TIMMDC1: variants seen among roughly 807,000 people sequenced by gnomAD.
TIMMDC1 encodes the protein complex I assembly factor TIMMDC1, mitochondrial.
TIMMDC1 carries 25 observed loss-of-function variants against 32.6 expected under a neutral mutation model. That is an observed-to-expected ratio of 0.77 (90% CI 0.56 to 1.07). The LOEUF is 1.07. Ranked by LOEUF, TIMMDC1 falls within the 50% of genes least tolerant of loss-of-function variation. The pLI is 0.00. For missense variants in TIMMDC1, 329 were observed against 349.2 expected (o/e 0.94, Z 0.46); for synonymous variants, 130 against 127.6 (o/e 1.02, Z -0.13).
In TIMMDC1 at chr3:119,523,808, C is replaced by G. The variant is rs145900930; in HGVS notation, c.*52C>G. ...GAGAGCTGAAGGGAGCTGCCATGTC[C>G]GATGAATGCCAACAGACAGGCCACT... On this transcript the variant is annotated 3_prime_UTR_variant, in exon 7 of 7. Transcript: ENST00000494664. 3 of 1,472,596 alleles carry G rather than the reference C, an allele frequency of 2.0e-6. No individual in the cohort carries two copies. The highest frequency in any genetic ancestry group is 2.7e-6 in the Non-Finnish European group (3 of 1,107,562). The allele number at this position is 1,472,596 out of a possible 1,614,324, so 91.2% of individuals were successfully genotyped here.
intron 3 of TIMMDC1, 61 bp downstream of exon 3, chr3:119,503,681 T>C: frequency 1.5e-6 from 2 of 1,372,082 alleles, no homozygotes; most frequent in Non-Finnish European, 2.0e-6. Flanking sequence ...GGAGTGTGTC[T>C]TTTGAGCAGG....
rs747050990 is a variant in TIMMDC1, at chr3:119,523,678, G to C, written c.780G>C (p.Glu260Asp). 1.2e-6 allele frequency: 2 copies of C among 1,613,696 alleles called. No homozygotes were observed. Among genetic ancestry groups the C allele is most frequent in the Non-Finnish European group, 1.7e-6 (2 of 1,179,808 alleles). Reference protein sequence around the residue: ...IESSLQEDEPENDAKKIEALL... With the variant: ...IESSLQEDEPDNDAKKIEALL... ...GTAGTTTACAGGAAGATGAACCTGA[G>C]AATGATGCTAAGAAAATTGAAGCAC... Residue 260 changes from glutamate to aspartate, a missense_variant, in exon 7 of 7, where the codon GAG (glutamate) becomes GAC (aspartate). Glu to Asp is a conservative substitution (Grantham distance 45). Coordinates refer to ENST00000494664, the MANE Select transcript of TIMMDC1 (RefSeq NM_016589.4).
chr3:119,518,829 C>G (rs1330060550), intron 6 of TIMMDC1, among the ~76,000 whole-genome samples: 1 of 152,070 alleles, frequency 6.6e-6, no homozygotes, highest in Non-Finnish European at 1.5e-5. Flanking sequence ...CAGCAGAAAC[C>G]TTACAAGTCA....
At position 119,524,084 on chromosome 3, in the gene TIMMDC1, G is replaced by A. The variant is rs938941046; in HGVS notation, c.*328G>A. The A allele has an allele frequency of 5.3e-5, 9 of 171,418 alleles. No homozygotes were observed. The highest frequency in any genetic ancestry group is 2.1e-4 in the African/African-American group (9 of 42,002). The allele number at this position is 171,418 out of a possible 1,614,324, so 10.6% of individuals were successfully genotyped here. On this transcript the variant is annotated 3_prime_UTR_variant, in exon 7 of 7. Coordinates refer to ENST00000494664, the MANE Select transcript of TIMMDC1 (RefSeq NM_016589.4). Reference sequence around the variant, plus strand: ...AGATTAAAGTTGAATTTTACAGTTCGTATATTCATGTGGTCCTTTGAAAGG... The same window carrying A: ...AGATTAAAGTTGAATTTTACAGTTCATATATTCATGTGGTCCTTTGAAAGG...
At chr3:119,519,726 G>C (rs2082011562) in intron 6 of TIMMDC1, among the ~76,000 whole-genome samples, 1 of 152,100 alleles carries the variant, frequency 6.6e-6, no homozygotes, top group Non-Finnish European at 1.5e-5. Context: ...AATCAACAAA[G>C]AAATATCAGA....
intron 5 of TIMMDC1, among the ~76,000 whole-genome samples, 173 bp downstream of exon 5, chr3:119,513,892 TTTATC>T (rs1266941082): frequency 6.6e-6 from 1 of 152,236 alleles, no homozygotes; most frequent in Non-Finnish European, 1.5e-5. Flanking sequence ...ACCCCAATAG[TTTATC>T]TTATTTACAG....
rs148719708 is a variant in TIMMDC1, at chr3:119,515,603, G to A, written c.597-1602G>A. Among the ~76,000 whole-genome samples, 176 of 152,268 alleles carry A rather than the reference G, an allele frequency of 1.2e-3. 1 individual carries two copies. The highest frequency in any genetic ancestry group is 4.0e-3 in the African/African-American group (165 of 41,564). ...TGAGGGATTAGGCAGGATATTTGGG[G>A]GGACCACTTTAGAATTCTGCCTACC... On this transcript the variant is annotated intron_variant, in intron 5 of 6. Coordinates refer to ENST00000494664, the MANE Select transcript of TIMMDC1 (RefSeq NM_016589.4).
intron 4 of TIMMDC1, among the ~76,000 whole-genome samples, chr3:119,504,488 G>A (rs974347048): frequency 2.0e-5 from 3 of 152,216 alleles, no homozygotes; most frequent in African/African-American, 7.2e-5. Context: ...GTGAGGGAAA[G>A]AGTAGCTTGA....
intron 5 of TIMMDC1, among the ~76,000 whole-genome samples, chr3:119,516,700 G>GT (rs2081986939): frequency 6.6e-6 from 1 of 152,144 alleles, no homozygotes; most frequent in Admixed American, 6.6e-5. Context: ...GGGTGAGACA[G>GT]TTACGCCAGA....
chr3:119,517,974 A>G (rs1257410792), intron 6 of TIMMDC1, among the ~76,000 whole-genome samples: 14 of 150,736 alleles, frequency 9.3e-5, no homozygotes, highest in Non-Finnish European at 1.9e-4. Context: ...AAAGAAAAAA[A>G]GTGACTTTTT....
Position 119,498,617 on chromosome 3 carries a change from G to A in TIMMDC1, c.-117G>A, listed in dbSNP as rs879609432. 19 of 1,047,088 alleles carry A rather than the reference G, an allele frequency of 1.8e-5. No homozygotes were observed. Among genetic ancestry groups the A allele is most frequent in the Non-Finnish European group, 2.7e-5 (19 of 704,810 alleles). The allele number at this position is 1,047,088 out of a possible 1,614,324, so 64.9% of individuals were successfully genotyped here. On this transcript the variant is annotated 5_prime_UTR_variant, in exon 1 of 7. Transcript: ENST00000494664. The stretch of plus-strand genomic sequence containing the variant: ...TGGGTGTCGAGCCCTCTGGCAGAGG[G>A]TTAACCTGGGTCAAATGCACGGATT...
intron 6 of TIMMDC1, among the ~76,000 whole-genome samples, chr3:119,519,595 CAT>C (rs375514181): frequency 6.6e-6 from 1 of 150,988 alleles, no homozygotes; most frequent in Non-Finnish European, 1.5e-5. Context: ...CCAGAGCATC[CAT>C]ATATATATAT....
chr3:119,523,478 C>G (rs1450949227), intron 6 of TIMMDC1, 128 bp from the exon 7 acceptor site: 6 of 798,980 alleles, frequency 7.5e-6, no homozygotes, highest in Non-Finnish European at 1.1e-5. Context: ...GTTCAGGGAG[C>G]AGTATTTGCT....
chr3:119,518,001 C>T (rs1414546847), intron 6 of TIMMDC1, among the ~76,000 whole-genome samples: 1 of 145,168 alleles, frequency 6.9e-6, no homozygotes, highest in Non-Finnish European at 1.5e-5. Flanking sequence ...TTTTTGCATA[C>T]ATATGTAAGT....
intron 4 of TIMMDC1, among the ~76,000 whole-genome samples, chr3:119,506,506 G>A (rs550694468): frequency 1.2e-3 from 179 of 147,072 alleles, no homozygotes; most frequent in African/African-American, 4.4e-3. Context: ...GCGACAGAGC[G>A]AGACCCTGTC....
chr3:119,515,208 C>CA (rs35275676), intron 5 of TIMMDC1, among the ~76,000 whole-genome samples: 130 of 126,276 alleles, frequency 1.0e-3, no homozygotes, highest in African/African-American at 1.7e-3. Flanking sequence ...GACTCCATCT[C>CA]AAAAAAAAAA....
At chr3:119,507,101 T>C (rs1464328000) in intron 4 of TIMMDC1, among the ~76,000 whole-genome samples, 1 of 152,248 alleles carries the variant, frequency 6.6e-6, no homozygotes, top group African/African-American at 2.4e-5. Context: ...GAAAATGATA[T>C]GCCCAGGTGT....
At chr3:119,515,859 GTTGGTATTTGTCTGA>G (rs1284648815) in intron 5 of TIMMDC1, among the ~76,000 whole-genome samples, 1 of 152,178 alleles carries the variant, frequency 6.6e-6, no homozygotes, top group Non-Finnish European at 1.5e-5. Flanking sequence ...GTTTTTATTA[GTTGGTATTTGTCTGA>G]CTAGAAGAGT....
chr3:119,520,023 A>G (rs926491854), intron 6 of TIMMDC1, among the ~76,000 whole-genome samples: 1 of 152,198 alleles, frequency 6.6e-6, no homozygotes, highest in Non-Finnish European at 1.5e-5. Flanking sequence ...AGGTCAATGA[A>G]AAAATTAAGA....
Sources: allele counts gnomAD v4.1 joint callset (sites outside exome capture counted in the v4.1 genomes callset), GRCh38; gene constraint gnomAD v4.1.1; transcripts MANE v1.5; gene names NCBI Gene and HGNC (gene_info 2026-07-23, HGNC 2026-07-21).